The following NRG3 variants were observed in gnomAD, a reference collection of about 807,000 sequenced individuals.
The protein encoded by NRG3 is neuregulin 3.
NRG3 carries 31 observed loss-of-function variants against 66.9 expected under a neutral mutation model. The observed-to-expected ratio is 0.46, with a 90% CI of 0.35 to 0.63. The LOEUF (loss-of-function observed/expected upper bound fraction) is 0.63, where lower values mean the gene tolerates loss of function less well. Ranked by LOEUF, NRG3 falls within the 20% of genes least tolerant of loss-of-function variation. The pLI is 0.00. For synonymous variants in NRG3, 393 were observed against 359.4 expected (o/e 1.09, Z -1.06); for missense variants, 910 against 878.9 (o/e 1.04, Z -0.45).
chr10:82,895,143 T>C (rs1050963164), intron 4 of NRG3, among the ~76,000 whole-genome samples: 33 of 152,200 alleles, frequency 2.2e-4, no homozygotes, highest in Non-Finnish European at 3.5e-4. Context: ...CAGTCTATCA[T>C]TGATGGGACT....
intron 2 of NRG3, among the ~76,000 whole-genome samples, chr10:82,705,395 G>C (rs1021456173): frequency 1.3e-5 from 2 of 152,178 alleles, no homozygotes; most frequent in African/African-American, 2.4e-5. Flanking sequence ...GGGGGGCAGA[G>C]CCCAGCAATC....
At chr10:82,640,345 A>G (rs555091951) in intron 2 of NRG3, among the ~76,000 whole-genome samples, 6 of 152,208 alleles carry the variant, frequency 3.9e-5, no homozygotes, top group Non-Finnish European at 7.3e-5. Context: ...GATTTTATCC[A>G]GTTGATGATA....
chr10:82,170,924 T>C lies in NRG3; in HGVS notation c.824-187815T>C, dbSNP rs1413523216. Among the ~76,000 whole-genome samples, 3 of 151,596 alleles carry C rather than the reference T, an allele frequency of 2.0e-5. No individual in the cohort carries two copies. The East Asian group carries it at 5.8e-4, about 29-fold the overall frequency. ...TTTCAATCCAAAATCTCTTTAATTT[T>C]AACATTTCTATGTTAATTTGATTTA... On this transcript the variant is annotated intron_variant, in intron 1 of 8. Transcript: ENST00000372141.
At position 82,583,908 on chromosome 10, in the gene NRG3, A is replaced by G. The variant is rs561384174; in HGVS notation, c.954-154669A>G. Among the ~76,000 whole-genome samples the G allele has an allele frequency of 7.2e-5, 11 of 152,314 alleles. No individual in the cohort carries two copies. In the South Asian group the frequency reaches 2.3e-3, roughly 32 times the overall value. On this transcript the variant is annotated intron_variant, in intron 2 of 8. Coordinates refer to ENST00000372141, the MANE Select transcript of NRG3 (RefSeq NM_001010848.4). ...ACCCCTGGGCCTTGCAGCCAAATGAACATGGAAAAGCTAATTGGCACTAGT... is the reference window on the plus strand; with the variant it reads ...ACCCCTGGGCCTTGCAGCCAAATGAGCATGGAAAAGCTAATTGGCACTAGT...
At chr10:82,322,480 T>C (rs532233211) in intron 1 of NRG3, among the ~76,000 whole-genome samples, 1 of 152,094 alleles carries the variant, frequency 6.6e-6, no homozygotes, top group Non-Finnish European at 1.5e-5. Flanking sequence ...TTTAGTTAGT[T>C]CTAGCTTTCC....
At chr10:82,058,094 T>C (rs1014706557) in intron 1 of NRG3, among the ~76,000 whole-genome samples, 2 of 151,974 alleles carry the variant, frequency 1.3e-5, no homozygotes, top group African/African-American at 4.8e-5. Context: ...AAATGGGAAA[T>C]AAGGGGTGTC....
intron 2 of NRG3, among the ~76,000 whole-genome samples, chr10:82,454,169 T>C (rs1418768374): frequency 1.3e-5 from 2 of 152,230 alleles, no homozygotes. Flanking sequence ...TATATTAGAC[T>C]TGAGCATTCC....
chr10:82,612,281 C>G (rs1372583470), intron 2 of NRG3, among the ~76,000 whole-genome samples: 1 of 152,018 alleles, frequency 6.6e-6, no homozygotes, highest in African/African-American at 2.4e-5. Context: ...GTATGTCTTC[C>G]TTTCTTCCTT....
chr10:82,167,428 A>G (rs1020533301), intron 1 of NRG3, among the ~76,000 whole-genome samples: 5 of 152,134 alleles, frequency 3.3e-5, no homozygotes, highest in African/African-American at 1.2e-4. Flanking sequence ...TTAAGTCTGA[A>G]TATGACTTAG....
Position 81,990,857 on chromosome 10 carries a change from T to TA in NRG3, c.823+114702dup, listed in dbSNP as rs547132034. Among the ~76,000 whole-genome samples the TA allele has an allele frequency of 2.2e-3, 341 of 152,050 alleles. 1 individual carries two copies. Among genetic ancestry groups the TA allele is most frequent in the Middle Eastern group, 0.01 (3 of 294 alleles). On this transcript the variant is annotated intron_variant, in intron 1 of 8. Coordinates refer to ENST00000372141, the MANE Select transcript of NRG3 (RefSeq NM_001010848.4). Reference sequence around the variant, plus strand: ...TAAGAAAAATCCCGTTGCTTAAAATTAAAAAAAATAAACCTAGTATTTTCT... The same window carrying TA: ...TAAGAAAAATCCCGTTGCTTAAAATTAAAAAAAAATAAACCTAGTATTTTCT...
intron 3 of NRG3, among the ~76,000 whole-genome samples, chr10:82,780,483 T>TTG (rs1555036678): frequency 6.7e-6 from 1 of 148,934 alleles, no homozygotes; most frequent in East Asian, 2.0e-4. Context: ...TTCTTTTCTT[T>TTG]TTTTTTTTTT....
chr10:82,070,891 A>G (rs1313791705), intron 1 of NRG3, among the ~76,000 whole-genome samples: 2 of 152,208 alleles, frequency 1.3e-5, no homozygotes, highest in African/African-American at 2.4e-5. Flanking sequence ...GCAATATGTC[A>G]CAAGTCAGTA....
intron 4 of NRG3, among the ~76,000 whole-genome samples, chr10:82,943,253 CTATT>C (rs1448661941): frequency 1.3e-5 from 2 of 152,186 alleles, no homozygotes; most frequent in African/African-American, 2.4e-5. Flanking sequence ...CAATGTTTTT[CTATT>C]TTATTGGTAA....
Position 82,166,886 on chromosome 10 carries a change from T to A in NRG3, c.824-191853T>A, listed in dbSNP as rs2072111558. ...CTGAAAGGTATTTTTTTCTCAGTAG[T>A]TTTTTTTTATTCCCTCCTTGGTATT... On this transcript the variant is annotated intron_variant, in intron 1 of 8. Transcript: ENST00000372141. 1.9e-5 allele frequency: 11 copies of A among 564,908 alleles called. No homozygotes were observed. The East Asian group carries it at 3.4e-4, about 17-fold the overall frequency. The allele number at this position is 564,908 out of a possible 1,614,324, so 35.0% of individuals were successfully genotyped here. A position where few individuals can be genotyped will look rare whatever the true frequency, so the allele number is the denominator to read the frequency against.
At chr10:82,642,565 A>G (rs769670141) in intron 2 of NRG3, among the ~76,000 whole-genome samples, 1 of 151,944 alleles carries the variant, frequency 6.6e-6, no homozygotes, top group Non-Finnish European at 1.5e-5. Context: ...AGATGATACC[A>G]TGGTTGAAAC....
Position 81,978,051 on chromosome 10 carries a change from C to T in NRG3, c.823+101888C>T, listed in dbSNP as rs2060191697. On this transcript the variant is annotated intron_variant, in intron 1 of 8. Transcript: ENST00000372141. ...GTTGGAAACTTTAAATATCCTCCTT[C>T]TAGCTATTTGAAGCTATATATTATC... Among the ~76,000 whole-genome samples the T allele has an allele frequency of 4.6e-5, 7 of 152,266 alleles. No individual in the cohort carries two copies. In the South Asian group the frequency reaches 1.2e-3, roughly 27 times the overall value.
chr10:82,087,953 T>C (rs2065821560), intron 1 of NRG3, among the ~76,000 whole-genome samples: 1 of 148,328 alleles, frequency 6.7e-6, no homozygotes, highest in Non-Finnish European at 1.5e-5. Flanking sequence ...GAAAAAGATG[T>C]TCACATTTCC....
chr10:82,248,270 T>C (rs1353317202), intron 1 of NRG3, among the ~76,000 whole-genome samples: 3 of 152,210 alleles, frequency 2.0e-5, no homozygotes, highest in South Asian at 4.1e-4. Flanking sequence ...CTCTATACTG[T>C]GGCATGTCAA....
intron 2 of NRG3, among the ~76,000 whole-genome samples, chr10:82,593,254 T>G (rs1043849041): frequency 6.6e-6 from 1 of 152,104 alleles, no homozygotes; most frequent in Non-Finnish European, 1.5e-5. Context: ...CTGTGAAAAT[T>G]TGTTGCCCCA....
Sources: allele counts gnomAD v4.1 joint callset (sites outside exome capture counted in the v4.1 genomes callset), GRCh38; gene constraint gnomAD v4.1.1; transcripts MANE v1.5; gene names NCBI Gene and HGNC (gene_info 2026-07-23, HGNC 2026-07-21).